The following NCKAP5 variants were observed in gnomAD, a reference collection of about 807,000 sequenced individuals.
NCKAP5 encodes NCK associated protein 5, also known as nck-associated protein 5.
A neutral mutation model predicts 167.0 loss-of-function variants in NCKAP5; 92 were observed. The ratio of observed to expected loss-of-function variants is 0.55; its 90% CI spans 0.47 to 0.66. The LOEUF is 0.66. NCKAP5 is among the 30% of genes least tolerant of loss of function. The pLI is 0.00. For synonymous variants in NCKAP5, 891 were observed against 877.4 expected (o/e 1.02, Z -0.27); for missense variants, 2,378 against 2,315.0 (o/e 1.03, Z -0.56).
intron 11 of NCKAP5, among the ~76,000 whole-genome samples, chr2:132,831,020 A>T (rs1226903025): frequency 6.6e-6 from 1 of 152,188 alleles, no homozygotes; most frequent in African/African-American, 2.4e-5. Context: ...ACACATATTT[A>T]GGTTTTAAAA....
At chr2:133,642,409 T>C in the NCKAP5 span, among the ~76,000 whole-genome samples, 1 of 152,160 alleles carries the variant, frequency 6.6e-6, no homozygotes, top group Admixed American at 6.5e-5. Context: ...TTTTTACCAT[T>C]TTAGCCAGAT....
At chr2:133,284,778 T>A (rs1434282887) in intron 4 of NCKAP5, 1 of 152,266 alleles carries the variant, frequency 6.6e-6, no homozygotes, top group African/African-American at 2.4e-5. Context: ...CATAAGGATT[T>A]ATCCACAATT....
chr2:132,873,763 T>C (rs1691028615), intron 9 of NCKAP5, among the ~76,000 whole-genome samples: 1 of 152,222 alleles, frequency 6.6e-6, no homozygotes, highest in South Asian at 2.1e-4. Context: ...CTTGGGTTAG[T>C]GCATAATAAA....
intron 16 of NCKAP5, among the ~76,000 whole-genome samples, chr2:132,750,210 CA>C (rs1313813467): frequency 2.0e-5 from 3 of 152,170 alleles, no homozygotes; most frequent in Middle Eastern, 3.4e-3. Context: ...TTGAAACATG[CA>C]AAGTTGTTGT....
intron 19 of NCKAP5, among the ~76,000 whole-genome samples, chr2:132,719,435 A>G (rs1689697267): frequency 6.6e-6 from 1 of 152,242 alleles, no homozygotes; most frequent in Non-Finnish European, 1.5e-5. Flanking sequence ...AAAGCTGAAC[A>G]TATTTAACGT....
Position 133,250,084 on chromosome 2 carries a change from A to G in NCKAP5, c.144-36305T>C, listed in dbSNP as rs1386583735. 3.3e-5 allele frequency among the ~76,000 whole-genome samples: 5 copies of G among 151,130 alleles called. No homozygotes were observed. The East Asian group carries it at 5.8e-4, about 18-fold the overall frequency. On this transcript the variant is annotated intron_variant, in intron 4 of 19. Coordinates refer to ENST00000409261, the MANE Select transcript of NCKAP5 (RefSeq NM_207363.3). ...GTTTTAAACAGAGGAATGACAGGAAATCTGAAAACATCAGGATCCTGAGAC... is the reference window on the plus strand; with the variant it reads ...GTTTTAAACAGAGGAATGACAGGAAGTCTGAAAACATCAGGATCCTGAGAC...
In NCKAP5 at chr2:132,778,414, G is replaced by T. The variant is rs181292181; in HGVS notation, c.5049+2638C>A. On this transcript the variant is annotated intron_variant, in intron 15 of 19. Coordinates refer to ENST00000409261, the MANE Select transcript of NCKAP5 (RefSeq NM_207363.3). ...ATATGCAGTTACTAGTGAACTAAGC[G>T]GAGGTTTGCTACACATGTGGATTTG... is the stretch of plus-strand genomic sequence containing the variant. Among the ~76,000 whole-genome samples the T allele has an allele frequency of 7.9e-4, 120 of 152,094 alleles. No homozygotes were observed. In the Middle Eastern group the frequency reaches 0.014, roughly 17 times the overall value.
chr2:133,461,731 T>C lies in NCKAP5; in HGVS notation c.69+55727A>G, dbSNP rs1692210364. Among the ~76,000 whole-genome samples, 4 of 152,196 alleles carry C rather than the reference T, an allele frequency of 2.6e-5. No homozygotes were observed. The East Asian group carries it at 7.7e-4, about 29-fold the overall frequency. ...ATCCTGATGACACAGCCTCACCTGA[T>C]TGCAAAGAGAACTGAGAAATGTGGC... On this transcript the variant is annotated intron_variant, in intron 3 of 19. Coordinates refer to ENST00000409261, the MANE Select transcript of NCKAP5 (RefSeq NM_207363.3).
At position 133,121,241 on chromosome 2, in the gene NCKAP5, A is replaced by G. The variant is rs540296228; in HGVS notation, c.341+8737T>C. ...AACGCATAAAATATGAAGGAAAAGG[A>G]AGGGATGGACAGTAACCTGTAGGTT... On this transcript the variant is annotated intron_variant, in intron 6 of 19. Coordinates refer to ENST00000409261, the MANE Select transcript of NCKAP5 (RefSeq NM_207363.3). 2.0e-5 allele frequency among the ~76,000 whole-genome samples: 3 copies of G among 152,298 alleles called. No individual in the cohort carries two copies. In the East Asian group the frequency reaches 5.8e-4, roughly 29 times the overall value.
At chr2:133,421,539 G>A (rs1209621193) in intron 3 of NCKAP5, among the ~76,000 whole-genome samples, 1 of 152,150 alleles carries the variant, frequency 6.6e-6, no homozygotes, top group Admixed American at 6.6e-5. Context: ...CCTTAAATGA[G>A]GATCAGTCTG....
intron 4 of NCKAP5, among the ~76,000 whole-genome samples, chr2:133,255,615 T>G (rs1211171713): frequency 3.9e-5 from 6 of 152,162 alleles, no homozygotes; most frequent in African/African-American, 1.2e-4. Context: ...GGCTGTTCTG[T>G]TCAGTGGAAT....
chr2:132,966,192 C>T (rs1202619937), intron 7 of NCKAP5, among the ~76,000 whole-genome samples: 1 of 152,122 alleles, frequency 6.6e-6, no homozygotes, highest in African/African-American at 2.4e-5. Context: ...CTCCACCTCC[C>T]AGGTTCAAGC....
intron 7 of NCKAP5, among the ~76,000 whole-genome samples, chr2:132,980,816 A>G (rs1304567100): frequency 1.3e-5 from 2 of 152,236 alleles, no homozygotes; most frequent in Non-Finnish European, 2.9e-5. Context: ...GAAAAATACA[A>G]TAACAGTAGG....
chr2:133,113,259 T>C (rs1229549754), intron 6 of NCKAP5, among the ~76,000 whole-genome samples: 2 of 151,926 alleles, frequency 1.3e-5, no homozygotes, highest in East Asian at 1.9e-4. Context: ...ACAAAACAGA[T>C]GGGCAGCTAA....
intron 3 of NCKAP5, among the ~76,000 whole-genome samples, chr2:133,473,088 C>T (rs1559510849): frequency 6.6e-6 from 1 of 152,156 alleles, no homozygotes; most frequent in Non-Finnish European, 1.5e-5. Flanking sequence ...AATCCAAGCA[C>T]TTTGGGAGGC....
intron 6 of NCKAP5, among the ~76,000 whole-genome samples, chr2:133,097,329 T>C (rs1321296364): frequency 1.3e-5 from 2 of 152,170 alleles, no homozygotes; most frequent in Admixed American, 6.5e-5. Flanking sequence ...TGGAGTTTTG[T>C]CATTATGGAA....
chr2:133,549,256 T>A (rs1334999273), intron 2 of NCKAP5, among the ~76,000 whole-genome samples: 5 of 152,112 alleles, frequency 3.3e-5, no homozygotes, highest in Admixed American at 2.0e-4. Context: ...ACAAAGAGAC[T>A]TAGACTCCCA....
intron 2 of NCKAP5, among the ~76,000 whole-genome samples, chr2:133,555,192 A>G (rs1389959799): frequency 6.6e-6 from 1 of 152,140 alleles, no homozygotes; most frequent in Non-Finnish European, 1.5e-5. Flanking sequence ...TTTGCATGCA[A>G]AATGCTGTTC....
chr2:132,777,408 T>C (rs1317197574), intron 15 of NCKAP5, among the ~76,000 whole-genome samples: 5 of 152,228 alleles, frequency 3.3e-5, no homozygotes, highest in African/African-American at 1.2e-4. Flanking sequence ...CAATTCACCA[T>C]TGATATAATT....
Sources: allele counts gnomAD v4.1 joint callset (sites outside exome capture counted in the v4.1 genomes callset), GRCh38; gene constraint gnomAD v4.1.1; transcripts MANE v1.5; gene names NCBI Gene and HGNC (gene_info 2026-07-23, HGNC 2026-07-21).